The following INSYN2B variants were observed in gnomAD, a reference collection of about 807,000 sequenced individuals.
INSYN2B encodes the protein protein INSYN2B.
In INSYN2B, 16 loss-of-function variants were observed where a neutral mutation model predicts 41.2. The ratio of observed to expected loss-of-function variants is 0.39; its 90% CI spans 0.26 to 0.59. The LOEUF is 0.59. Among genes scored for constraint, INSYN2B ranks in the 20% least tolerant of loss-of-function variants. The pLI is 0.57. For synonymous variants in INSYN2B, 245 were observed against 244.4 expected (o/e 1.00, Z -0.02); for missense variants, 608 against 646.4 (o/e 0.94, Z 0.64).
intron 1 of INSYN2B, among the ~76,000 whole-genome samples, chr5:169,913,841 A>G (rs1179699926): frequency 2.0e-5 from 3 of 152,206 alleles, no homozygotes; most frequent in African/African-American, 7.2e-5. Flanking sequence ...GATCCCATTT[A>G]AGAACTTTTT....
intron 1 of INSYN2B, among the ~76,000 whole-genome samples, chr5:169,961,823 C>T (rs1330398504): frequency 6.6e-6 from 1 of 151,384 alleles, no homozygotes; most frequent in Non-Finnish European, 1.5e-5. Context: ...ACTAAAAATA[C>T]AAAAAATTAG....
chr5:169,889,745 A>T (rs1171587494), intron 1 of INSYN2B, among the ~76,000 whole-genome samples: 2 of 152,228 alleles, frequency 1.3e-5, no homozygotes, highest in African/African-American at 4.8e-5. Flanking sequence ...GACAATATGT[A>T]AACAAATGGC....
intron 1 of INSYN2B, among the ~76,000 whole-genome samples, chr5:169,977,526 C>T (rs1235804561): frequency 6.6e-6 from 1 of 152,166 alleles, no homozygotes; most frequent in Non-Finnish European, 1.5e-5. Flanking sequence ...TTTTTATCCC[C>T]TTTTACAGAT....
chr5:169,882,898 T>C lies in INSYN2B; in HGVS notation c.1001A>G (p.Asn334Ser). The C allele has an allele frequency of 1.6e-5, 25 of 1,551,888 alleles. No individual in the cohort carries two copies. The highest frequency in any genetic ancestry group is 2.2e-5 in the Non-Finnish European group (25 of 1,146,946). ...GRASDCPSSS[N>S]NHQNLVSLKT... Reference sequence around the variant, plus strand: ...GAGTGACACCAGATTCTGGTGATTGTTACTTGATGAAGGACAGTCTGAGGC... The same window carrying C: ...GAGTGACACCAGATTCTGGTGATTGCTACTTGATGAAGGACAGTCTGAGGC... The change falls in exon 2 of 4, where the codon AAC becomes AGC. Residue 334 changes from asparagine to serine, a missense_variant. Transcript: ENST00000377365.
At chr5:169,912,748 G>A (rs2113624903) in intron 1 of INSYN2B, among the ~76,000 whole-genome samples, 1 of 152,184 alleles carries the variant, frequency 6.6e-6, no homozygotes, top group South Asian at 2.1e-4. Flanking sequence ...GTAGTTTTTG[G>A]TAAAGAAAGG....
rs1401502578 is a variant in INSYN2B, at chr5:169,862,823, G to C, written c.*1450C>G. Among the ~76,000 whole-genome samples, 4 of 152,178 alleles carry C rather than the reference G, an allele frequency of 2.6e-5. No individual in the cohort carries two copies. The East Asian group carries it at 7.7e-4, about 29-fold the overall frequency. On this transcript the variant is annotated 3_prime_UTR_variant, in exon 4 of 4. Coordinates refer to ENST00000377365, the MANE Select transcript of INSYN2B (RefSeq NM_001129891.3). ...GCTCAATTAGGCTCAATTTGCAGTGGGGTAGGTACATCCCACGAACACACA... is the reference window on the plus strand; with the variant it reads ...GCTCAATTAGGCTCAATTTGCAGTGCGGTAGGTACATCCCACGAACACACA...
At chr5:169,975,162 T>C (rs1777672456) in intron 1 of INSYN2B, among the ~76,000 whole-genome samples, 1 of 152,232 alleles carries the variant, frequency 6.6e-6, no homozygotes, top group South Asian at 2.1e-4. Context: ...AAGAAATGCT[T>C]GCTGAAGAGT....
intron 1 of INSYN2B, among the ~76,000 whole-genome samples, chr5:169,893,123 T>G (rs760165998): frequency 1.2e-4 from 19 of 152,222 alleles, no homozygotes; most frequent in Non-Finnish European, 2.5e-4. Context: ...CTTTGGCTAT[T>G]CTATGTCAAG....
At chr5:169,928,355 A>G (rs1775577579) in intron 1 of INSYN2B, among the ~76,000 whole-genome samples, 1 of 152,226 alleles carries the variant, frequency 6.6e-6, no homozygotes. Context: ...GGGATGCCCT[A>G]TCTCCACCTG....
chr5:169,962,010 A>G (rs1421968297), intron 1 of INSYN2B, among the ~76,000 whole-genome samples: 1 of 150,106 alleles, frequency 6.7e-6, no homozygotes, highest in Non-Finnish European at 1.5e-5. Context: ...GAAAAAGAAT[A>G]GAGGCCAGAA....
intron 1 of INSYN2B, among the ~76,000 whole-genome samples, chr5:169,916,249 G>A (rs1391129371): frequency 2.0e-5 from 3 of 152,182 alleles, no homozygotes; most frequent in Non-Finnish European, 4.4e-5. Context: ...TGAAATGTGG[G>A]ACAAAATAAT....
chr5:169,979,497 G>C, intron 1 of INSYN2B, among the ~76,000 whole-genome samples: 1 of 152,150 alleles, frequency 6.6e-6, no homozygotes, highest in East Asian at 1.9e-4. Flanking sequence ...AAATCCAAAT[G>C]ACAGAAAGGA....
intron 1 of INSYN2B, among the ~76,000 whole-genome samples, chr5:169,940,433 G>A (rs1329362893): frequency 1.3e-5 from 2 of 152,152 alleles, no homozygotes; most frequent in South Asian, 2.1e-4. Context: ...TCCACAGACC[G>A]GGAGGAGGAT....
intron 3 of INSYN2B, among the ~76,000 whole-genome samples, chr5:169,877,173 G>T (rs1772380338): frequency 6.6e-6 from 1 of 152,192 alleles, no homozygotes; most frequent in Non-Finnish European, 1.5e-5. Flanking sequence ...AGGCACAGAG[G>T]AATGACAGAA....
intron 1 of INSYN2B, among the ~76,000 whole-genome samples, chr5:169,923,807 T>C (rs758140597): frequency 3.2e-4 from 49 of 152,354 alleles, no homozygotes; most frequent in Admixed American, 2.0e-3. Context: ...TTTGCATAGA[T>C]GTTATGCAAC....
At chr5:169,974,008 G>A (rs2112648) in intron 1 of INSYN2B, among the ~76,000 whole-genome samples, 38,536 of 152,052 alleles carry the variant, frequency 0.25, 5,263 homozygotes, top group Non-Finnish European at 0.31. Flanking sequence ...TGGTGAGGTG[G>A]ACGATCACAC....
At chr5:169,896,771 C>T (rs1035236379) in intron 1 of INSYN2B, among the ~76,000 whole-genome samples, 2 of 152,100 alleles carry the variant, frequency 1.3e-5, no homozygotes, top group Non-Finnish European at 1.5e-5. Context: ...AGTCCCTACC[C>T]GCTGCTCACA....
At chr5:169,977,958 G>C (rs4867578) in intron 1 of INSYN2B, among the ~76,000 whole-genome samples, 4 of 152,164 alleles carry the variant, frequency 2.6e-5, no homozygotes, top group Non-Finnish European at 2.9e-5. Context: ...GGGGTGAATA[G>C]AGAAGCAACC....
At chr5:169,932,592 C>T (rs980079684) in intron 1 of INSYN2B, among the ~76,000 whole-genome samples, 6 of 152,126 alleles carry the variant, frequency 3.9e-5, no homozygotes, top group African/African-American at 1.4e-4. Flanking sequence ...TTGACACTGA[C>T]CACAAGGTGA....
Sources: allele counts gnomAD v4.1 joint callset (sites outside exome capture counted in the v4.1 genomes callset), GRCh38; gene constraint gnomAD v4.1.1; transcripts MANE v1.5; gene names NCBI Gene and HGNC (gene_info 2026-07-23, HGNC 2026-07-21).